Variants in ASPH observed in about 807,000 individuals in gnomAD.
The protein encoded by ASPH is aspartate beta-hydroxylase, also known as aspartyl/asparaginyl beta-hydroxylase.
Under a neutral mutation model 118.4 loss-of-function variants are expected in ASPH, and 100 were observed. The ratio of observed to expected loss-of-function variants is 0.84; its 90% CI spans 0.72 to 1.00. The LOEUF (loss-of-function observed/expected upper bound fraction) is 1.00. ASPH is among the 50% of genes least tolerant of loss of function. The pLI is 0.00. For missense variants in ASPH, 920 were observed against 919.5 expected (o/e 1.00, Z -0.01); for synonymous variants, 315 against 325.6 (o/e 0.97, Z 0.35).
intron 13 of ASPH, among the ~76,000 whole-genome samples, chr8:61,620,859 G>C (rs559597346): frequency 6.6e-6 from 1 of 152,316 alleles, no homozygotes; most frequent in African/African-American, 2.4e-5. Flanking sequence ...GGTCATGAAG[G>C]GGAGTTTAGG....
intron 20 of ASPH, 132 bp from the exon 21 acceptor site, chr8:61,548,340 C>A: frequency 1.9e-6 from 2 of 1,056,332 alleles, no homozygotes; most frequent in Non-Finnish European, 1.3e-6. Flanking sequence ...GCTAGGTACT[C>A]AAATCTGTTG....
intron 15 of ASPH, among the ~76,000 whole-genome samples, chr8:61,581,586 C>T (rs1481761788): frequency 1.3e-5 from 2 of 152,234 alleles, no homozygotes; most frequent in Non-Finnish European, 2.9e-5. Context: ...ATGTTTCTCT[C>T]TGGACTTGGA....
chr8:61,535,730 C>G (rs1188639829), intron 21 of ASPH, among the ~76,000 whole-genome samples: 1 of 152,158 alleles, frequency 6.6e-6, no homozygotes, highest in Non-Finnish European at 1.5e-5. Flanking sequence ...GAGATAAAAT[C>G]AGCTTGCTTA....
At chr8:61,514,758 G>T (rs113967032) in intron 24 of ASPH, among the ~76,000 whole-genome samples, 3,374 of 152,096 alleles carry the variant, frequency 0.022, 50 homozygotes, top group South Asian at 0.066. Flanking sequence ...TGGAGACAGG[G>T]TCTTACTGTG....
At chr8:61,660,235 AT>A (rs1816113991) in intron 3 of ASPH, 1 of 151,918 alleles carries the variant, frequency 6.6e-6, no homozygotes, top group Non-Finnish European at 1.5e-5. Context: ...ACAGCTTCTT[AT>A]TTTGAAATAC....
intron 1 of ASPH, among the ~76,000 whole-genome samples, chr8:61,686,879 G>A (rs1411837480): frequency 6.6e-6 from 1 of 152,022 alleles, no homozygotes; most frequent in Non-Finnish European, 1.5e-5. Context: ...AAAACAGCAA[G>A]GCTAAACAAA....
intron 2 of ASPH, chr8:61,683,752 G>C: frequency 7.6e-6 from 2 of 261,650 alleles, no homozygotes; most frequent in Non-Finnish European, 1.4e-5. Context: ...AAATCAAAAA[G>C]TACTGCATAT....
At chr8:61,565,360 A>G (rs1831338599) in intron 17 of ASPH, among the ~76,000 whole-genome samples, 2 of 152,150 alleles carry the variant, frequency 1.3e-5, no homozygotes, top group African/African-American at 4.8e-5. Flanking sequence ...TCCATGAATC[A>G]TTTTGCTATA....
At chr8:61,562,639 C>T (rs1210084493) in intron 18 of ASPH, 105 bp downstream of exon 18, 7 of 1,162,308 alleles carry the variant, frequency 6.0e-6, no homozygotes, top group Non-Finnish European at 8.1e-6. Context: ...TACTTACATG[C>T]TTTTTAACTT....
In ASPH at chr8:61,637,989, G is replaced by C; in HGVS notation, c.847C>G (p.Pro283Ala). The C allele has an allele frequency of 6.2e-7, 1 of 1,608,862 alleles. No homozygotes were observed. Among genetic ancestry groups the C allele is most frequent in the South Asian group, 1.1e-5 (1 of 89,920 alleles). Reference protein sequence around the residue: ...GIEITEVTAPPEDNPVEDSQV... With the variant: ...GIEITEVTAPAEDNPVEDSQV... ...GAATCTTCTACAGGATTATCCTCAGGGGGAGCAGTTACTTCTAAAATAAAG... is the reference window on the plus strand; with the variant it reads ...GAATCTTCTACAGGATTATCCTCAGCGGGAGCAGTTACTTCTAAAATAAAG... Residue 283 changes from proline (P) to alanine (A), a missense_variant, in exon 12 of 25, where the codon CCT becomes GCT. Coordinates refer to ENST00000379454, the MANE Select transcript of ASPH (RefSeq NM_004318.4).
intron 1 of ASPH, among the ~76,000 whole-genome samples, chr8:61,701,523 A>C (rs750045306): frequency 1.3e-5 from 2 of 152,220 alleles, no homozygotes; most frequent in African/African-American, 2.4e-5. Context: ...CATATAAGTT[A>C]ATTTCATTTT....
chr8:61,552,086 T>C (rs1826226801), intron 20 of ASPH, among the ~76,000 whole-genome samples: 1 of 152,238 alleles, frequency 6.6e-6, no homozygotes, highest in South Asian at 2.1e-4. Context: ...TTCTTACTAA[T>C]TTTAGAAACC....
intron 15 of ASPH, among the ~76,000 whole-genome samples, chr8:61,577,240 G>A (rs541067997): frequency 4.6e-5 from 7 of 151,424 alleles, no homozygotes; most frequent in East Asian, 1.9e-4. Context: ...ACGGGTGAAC[G>A]GGTGCACCAC....
At chr8:61,618,266 C>T (rs1340396952) in intron 14 of ASPH, among the ~76,000 whole-genome samples, 2 of 152,128 alleles carry the variant, frequency 1.3e-5, no homozygotes, top group African/African-American at 4.8e-5. Flanking sequence ...CTGCTTTCAT[C>T]ACTACAAATT....
At chr8:61,544,815 C>G (rs1823199474) in intron 21 of ASPH, among the ~76,000 whole-genome samples, 1 of 152,170 alleles carries the variant, frequency 6.6e-6, no homozygotes, top group Non-Finnish European at 1.5e-5. Context: ...AACTAAGAGA[C>G]TTTAGAATAT....
intron 1 of ASPH, among the ~76,000 whole-genome samples, chr8:61,690,927 G>A (rs1335079773): frequency 1.3e-5 from 2 of 152,050 alleles, no homozygotes; most frequent in African/African-American, 4.8e-5. Context: ...GTGTGTGTGT[G>A]TACACTGAAA....
intron 3 of ASPH, among the ~76,000 whole-genome samples, chr8:61,677,777 C>T (rs1826090169): frequency 6.6e-6 from 1 of 152,116 alleles, no homozygotes; most frequent in Non-Finnish European, 1.5e-5. Context: ...ACTATAGCTG[C>T]ATATTTAGTA....
At chr8:61,517,321 G>A (rs1283861068) in intron 24 of ASPH, 6 of 598,634 alleles carry the variant, frequency 1.0e-5, no homozygotes, top group South Asian at 3.1e-5. Context: ...AATAATGGAG[G>A]AGGGCAGCCC....
At chr8:61,680,943 C>CA (rs1313146954) in intron 3 of ASPH, 25 bp downstream of exon 3, 4 of 1,562,776 alleles carry the variant, frequency 2.6e-6, no homozygotes, top group Non-Finnish European at 2.6e-6. Flanking sequence ...TCACCACTAA[C>CA]AAAAAACATA....
Sources: gnomAD v4.1 joint callset for allele counts (sites outside exome capture counted in the v4.1 genomes callset) on GRCh38, gnomAD v4.1.1 for gene constraint, MANE v1.5 for transcripts, NCBI Gene and HGNC (gene_info 2026-07-23, HGNC 2026-07-21) for gene names.